SLC8A1: variants seen among roughly 807,000 people sequenced by gnomAD.
The protein encoded by SLC8A1 is solute carrier family 8 member A1.
In SLC8A1, 18 loss-of-function variants were observed where a neutral mutation model predicts 68.3. The ratio of observed to expected loss-of-function variants is 0.26; its 90% CI spans 0.18 to 0.39. The LOEUF (loss-of-function observed/expected upper bound fraction) is 0.39. SLC8A1 is among the 10% of genes least tolerant of loss of function. The probability of loss-of-function intolerance (pLI) is 1.00; values close to 1 mark genes in which losing one functional copy is unlikely to be tolerated. For missense variants in SLC8A1, 985 were observed against 1,156.7 expected (o/e 0.85, Z 2.15); for synonymous variants, 475 against 415.5 (o/e 1.14, Z -1.74).
chr2:40,377,268 C>T (rs73926638), intron 2 of SLC8A1, among the ~76,000 whole-genome samples: 2,028 of 151,988 alleles, frequency 0.013, 41 homozygotes, highest in African/African-American at 0.04. Flanking sequence ...TCTATGGATT[C>T]GAGAAAGTGA....
At chr2:40,305,796 G>A (rs946105770) in intron 2 of SLC8A1, among the ~76,000 whole-genome samples, 1 of 152,178 alleles carries the variant, frequency 6.6e-6, no homozygotes, top group African/African-American at 2.4e-5. Context: ...TTAGGATAAT[G>A]AAGATAGAGT....
chr2:40,380,795 G>C (rs1039020736), intron 2 of SLC8A1, among the ~76,000 whole-genome samples: 1 of 152,050 alleles, frequency 6.6e-6, no homozygotes, highest in East Asian at 1.9e-4. Flanking sequence ...TACTAACCTG[G>C]CTACAGCTAG....
intron 1 of SLC8A1, among the ~76,000 whole-genome samples, chr2:40,502,449 T>C (rs768065047): frequency 4.6e-5 from 7 of 152,068 alleles, no homozygotes; most frequent in Non-Finnish European, 8.8e-5. Flanking sequence ...ATATAGTGTT[T>C]GAAAGATAGT....
At chr2:40,116,440 T>C (rs1166628830) in intron 7 of SLC8A1, among the ~76,000 whole-genome samples, 1 of 152,170 alleles carries the variant, frequency 6.6e-6, no homozygotes, top group African/African-American at 2.4e-5. Flanking sequence ...ATTAGGTATA[T>C]CTCCCAGTGC....
In SLC8A1 at chr2:40,160,875, TGAAAA is replaced by T; in HGVS notation, c.2062-16_2062-12del. 1 of 1,601,080 alleles carries T rather than the reference TGAAAA, an allele frequency of 6.2e-7. No individual in the cohort carries two copies. Among genetic ancestry groups the T allele is most frequent in the Non-Finnish European group, 8.6e-7 (1 of 1,168,832 alleles). On this transcript the variant is annotated splice_polypyrimidine_tract_variant and intron_variant, in intron 5 of 7. Coordinates refer to ENST00000406785, the Ensembl canonical transcript of SLC8A1. ...TTTGTCCACAGTACTCTAGAAATGTTGAAAAGAAAAATATAAATGCTGGGTTCGCT... is the reference window on the plus strand; with the variant it reads ...TTTGTCCACAGTACTCTAGAAATGTTGAAAAATATAAATGCTGGGTTCGCT...
chr2:40,294,367 T>C (rs1381352704), intron 2 of SLC8A1, among the ~76,000 whole-genome samples: 1 of 152,108 alleles, frequency 6.6e-6, no homozygotes, highest in African/African-American at 2.4e-5. Context: ...CAATCTTCAG[T>C]TACTTTCCCT....
intron 2 of SLC8A1, among the ~76,000 whole-genome samples, chr2:40,387,471 G>C (rs1683921924): frequency 6.6e-6 from 1 of 151,134 alleles, no homozygotes; most frequent in Admixed American, 6.6e-5. Flanking sequence ...ATTGAAACCA[G>C]ATACAAAACA....
At chr2:40,318,950 T>C (rs1348444113) in intron 2 of SLC8A1, among the ~76,000 whole-genome samples, 3 of 152,090 alleles carry the variant, frequency 2.0e-5, no homozygotes, top group Non-Finnish European at 4.4e-5. Flanking sequence ...TTACTGTTAC[T>C]AGAATGTGAA....
upstream of SLC8A1, among the ~76,000 whole-genome samples, chr2:40,452,546 A>G (rs1029463646): frequency 1.3e-5 from 2 of 152,004 alleles, no homozygotes; most frequent in Non-Finnish European, 2.9e-5. Context: ...CTGACCCCCA[A>G]TTCGCCTACC....
At chr2:40,295,478 T>C (rs930501891) in intron 2 of SLC8A1, among the ~76,000 whole-genome samples, 1 of 152,180 alleles carries the variant, frequency 6.6e-6, no homozygotes, top group Admixed American at 6.6e-5. Context: ...CATTCTAAAA[T>C]AATTTGTGCA....
intron 7 of SLC8A1, among the ~76,000 whole-genome samples, chr2:40,133,624 G>A (rs2039864544): frequency 6.6e-6 from 1 of 151,740 alleles, no homozygotes; most frequent in Non-Finnish European, 1.5e-5. Context: ...ACTAGTGGGA[G>A]AAGTCAGCAA....
At chr2:40,269,073 G>A (rs773586242) in intron 2 of SLC8A1, among the ~76,000 whole-genome samples, 4 of 152,170 alleles carry the variant, frequency 2.6e-5, no homozygotes, top group Non-Finnish European at 4.4e-5. Flanking sequence ...TATGAGACCT[G>A]AGAGAGTCAG....
At chr2:40,491,491 A>C (rs891476052) in intron 1 of SLC8A1, among the ~76,000 whole-genome samples, 1 of 151,998 alleles carries the variant, frequency 6.6e-6, no homozygotes, top group East Asian at 1.9e-4. Flanking sequence ...TCTCCTGCCT[A>C]ATTGCCCTGG....
At chr2:40,197,446 C>T (rs2053264119) in intron 2 of SLC8A1, among the ~76,000 whole-genome samples, 1 of 151,958 alleles carries the variant, frequency 6.6e-6, no homozygotes, top group Non-Finnish European at 1.5e-5. Context: ...TTGCCAATTT[C>T]TGAGCAATTA....
At chr2:40,174,505 G>A (rs2048117151) in intron 4 of SLC8A1, among the ~76,000 whole-genome samples, 1 of 152,072 alleles carries the variant, frequency 6.6e-6, no homozygotes, top group African/African-American at 2.4e-5. Flanking sequence ...AATATGAACA[G>A]TTACAGTTTT....
intron 2 of SLC8A1, among the ~76,000 whole-genome samples, chr2:40,289,010 A>G (rs1241469851): frequency 6.6e-6 from 1 of 151,716 alleles, no homozygotes; most frequent in African/African-American, 2.4e-5. Context: ...CAAAATGACC[A>G]TATCTTTTGA....
chr2:40,442,898 T>C (rs766978714), intron 1 of SLC8A1, among the ~76,000 whole-genome samples: 1 of 152,132 alleles, frequency 6.6e-6, no homozygotes, highest in Non-Finnish European at 1.5e-5. Flanking sequence ...ATTTGGTACA[T>C]AGACACCATG....
intron 2 of SLC8A1, among the ~76,000 whole-genome samples, chr2:40,350,138 T>TA (rs1670601123): frequency 6.6e-6 from 1 of 152,158 alleles, no homozygotes; most frequent in African/African-American, 2.4e-5. Flanking sequence ...TATGATGTTT[T>TA]AAAATCCATT....
intron 4 of SLC8A1, among the ~76,000 whole-genome samples, chr2:40,165,404 G>C (rs529559028): frequency 1.3e-5 from 2 of 152,256 alleles, no homozygotes; most frequent in South Asian, 4.1e-4. Flanking sequence ...CCTCAGAGAT[G>C]GCGGAGTCTG....
Sources: allele counts gnomAD v4.1 joint callset (sites outside exome capture counted in the v4.1 genomes callset), GRCh38; gene constraint gnomAD v4.1.1; transcripts MANE v1.5; gene names NCBI Gene and HGNC (gene_info 2026-07-23, HGNC 2026-07-21).